The following ATL3 variants were observed in gnomAD, a reference collection of about 807,000 sequenced individuals.
The protein encoded by ATL3 is atlastin-3.
A neutral mutation model predicts 69.5 loss-of-function variants in ATL3; 49 were observed. The ratio of observed to expected loss-of-function variants is 0.71; its 90% CI spans 0.56 to 0.89. The LOEUF is 0.89. ATL3 is among the 40% of genes least tolerant of loss of function. The pLI is 0.00. For synonymous variants in ATL3, 214 were observed against 224.1 expected (o/e 0.95, Z 0.40); for missense variants, 606 against 645.7 (o/e 0.94, Z 0.67).
chr11:63,646,506 C>T lies in ATL3; in HGVS notation c.618+1G>A. The T allele has an allele frequency of 6.4e-7, 1 of 1,566,066 alleles. No individual in the cohort carries two copies. ...ATTATATTTAAAATAAATATTCTAA[C>T]CTGGAAAGGCTTTTGGAAAATTTCA... On this transcript the variant is annotated splice_donor_variant, in intron 6 of 12. Transcript: ENST00000398868. LOFTEE classifies it high-confidence loss of function.
chr11:63,641,895 C>T (rs1156347281), intron 8 of ATL3, among the ~76,000 whole-genome samples: 1 of 152,130 alleles, frequency 6.6e-6, no homozygotes, highest in African/African-American at 2.4e-5. Context: ...GGAAGAATGC[C>T]ATGTGTGTGT....
intron 1 of ATL3, among the ~76,000 whole-genome samples, chr11:63,668,383 T>C (rs1325157336): frequency 6.6e-6 from 1 of 152,212 alleles, no homozygotes; most frequent in Non-Finnish European, 1.5e-5. Context: ...TGCTTTTATA[T>C]ACCGTTTTGT....
At chr11:63,647,244 C>A (rs374602488) in intron 5 of ATL3, among the ~76,000 whole-genome samples, 2 of 152,156 alleles carry the variant, frequency 1.3e-5, no homozygotes, top group African/African-American at 2.4e-5. Context: ...GTTGCCCAGG[C>A]TGGAGCGTAA....
At chr11:63,664,620 G>GT (rs1027931299) in intron 1 of ATL3, among the ~76,000 whole-genome samples, 1 of 150,148 alleles carries the variant, frequency 6.7e-6, no homozygotes, top group Non-Finnish European at 1.5e-5. Context: ...ATAAGCTATT[G>GT]TTTTTTTGTT....
intron 6 of ATL3, 121 bp from the exon 7 acceptor site, chr11:63,644,382 CTTTTTTTTTTTTTT>C: frequency 2.9e-6 from 1 of 345,020 alleles, no homozygotes; most frequent in East Asian, 7.5e-5. Flanking sequence ...AAGGATTTAC[CTTTTTTTTTTTTTT>C]TTTTTTTTAA....
chr11:63,638,317 T>C (rs1237898322), intron 8 of ATL3, among the ~76,000 whole-genome samples: 1 of 152,200 alleles, frequency 6.6e-6, no homozygotes, highest in Non-Finnish European at 1.5e-5. Flanking sequence ...AGTTACTGTA[T>C]TAGGTCTCCC....
chr11:63,658,151 C>T (rs927199679), intron 3 of ATL3, among the ~76,000 whole-genome samples: 8 of 152,086 alleles, frequency 5.3e-5, no homozygotes, highest in East Asian at 1.9e-4. Flanking sequence ...CCACAGCACC[C>T]GGCTGCCACT....
intron 8 of ATL3, among the ~76,000 whole-genome samples, chr11:63,636,600 G>A (rs562883041): frequency 2.0e-5 from 3 of 152,220 alleles, no homozygotes; most frequent in African/African-American, 4.8e-5. Context: ...CTAGCCAGGC[G>A]TGGTGGCAGG....
In ATL3 at chr11:63,627,762, G is replaced by GA. The variant is rs1459298861; in HGVS notation, c.*1556dup. The GA allele has an allele frequency of 3.3e-5, 5 of 152,082 alleles. No homozygotes were observed. The highest frequency in any genetic ancestry group is 1.9e-4 in the East Asian group (1 of 5,182). The allele number at this position is 152,082 out of a possible 1,614,324, so 9.4% of individuals were successfully genotyped here. On this transcript the variant is annotated 3_prime_UTR_variant, in exon 13 of 13. Transcript: ENST00000398868. The stretch of plus-strand genomic sequence containing the variant: ...TTTTATCTCCTAATCAAGGTAAATA[G>GA]AAAAAAAGAACTCTTAGATACTTCT...
chr11:63,632,592 C>T, intron 11 of ATL3: 1 of 858,442 alleles, frequency 1.2e-6, no homozygotes, highest in Non-Finnish European at 2.0e-6. Flanking sequence ...CAGAATTCTA[C>T]AGATTCCAGT....
rs1323588197 is a variant in ATL3 at position 63,625,545 on chromosome 11, T to C, written c.*3774A>G. ...TTGCTATAACTCATACATACATACA[T>C]ACTTATCCAAACTCACCCTATCCAA... On this transcript the variant is annotated 3_prime_UTR_variant, in exon 13 of 13. Coordinates refer to ENST00000398868, the MANE Select transcript of ATL3 (RefSeq NM_015459.5). 1 of 152,220 alleles carries C rather than the reference T, an allele frequency of 6.6e-6. No homozygotes were observed. Among genetic ancestry groups the C allele is most frequent in the African/African-American group, 2.4e-5 (1 of 41,458 alleles). 9.4% of individuals were successfully genotyped at this position (152,220 alleles called of 1,614,324 possible). A position where few individuals can be genotyped will look rare whatever the true frequency, so the allele number is the denominator to read the frequency against.
rs767923369 is a variant in ATL3 at position 63,658,756 on chromosome 11, CT to C, written c.405+4del. 2.5e-6 allele frequency: 4 copies of C among 1,595,722 alleles called. No individual in the cohort carries two copies. The highest frequency in any genetic ancestry group is 1.2e-5 in the South Asian group (1 of 86,702). The stretch of plus-strand genomic sequence containing the variant: ...GTTAATCTGTAAGGTCATTTTCATC[CT>C]TACCTTCTTCCCACCTGGCTTCTCC... On this transcript the variant is annotated splice_donor_region_variant and intron_variant, in intron 3 of 12. Transcript: ENST00000398868.
chr11:63,655,491 A>G (rs867412032), intron 3 of ATL3, among the ~76,000 whole-genome samples: 2 of 145,196 alleles, frequency 1.4e-5, no homozygotes, highest in South Asian at 4.4e-4. Context: ...CTTGTTGCCC[A>G]GGCGGAAGTG....
rs1939057545 is a variant in ATL3 at position 63,624,983 on chromosome 11, G to A, written c.*4336C>T. 2 of 152,106 alleles carry A rather than the reference G, an allele frequency of 1.3e-5. No homozygotes were observed. Among genetic ancestry groups the A allele is most frequent in the South Asian group, 4.1e-4 (2 of 4,826 alleles). 9.4% of individuals were successfully genotyped at this position (152,106 alleles called of 1,614,324 possible). ...TAAAAGTGATGACTCCAGGACCACA[G>A]CCCATACCACCTGAGGCAATCCCTG... is the stretch of plus-strand genomic sequence containing the variant. On this transcript the variant is annotated 3_prime_UTR_variant, in exon 13 of 13. Transcript: ENST00000398868.
chr11:63,645,691 A>C (rs1939850567), intron 6 of ATL3, among the ~76,000 whole-genome samples: 1 of 152,110 alleles, frequency 6.6e-6, no homozygotes, highest in Non-Finnish European at 1.5e-5. Flanking sequence ...CCTAGGCTTA[A>C]GTGATCCTCC....
rs372686835 is a variant in ATL3, at chr11:63,627,660, T to C, written c.*1659A>G. On this transcript the variant is annotated 3_prime_UTR_variant, in exon 13 of 13. Coordinates refer to ENST00000398868, the MANE Select transcript of ATL3 (RefSeq NM_015459.5). ...TAAGGCTTATATACCTGAATGTTTATATAAATACTTGCAGGCAAGTTTTAA... is the reference window on the plus strand; with the variant it reads ...TAAGGCTTATATACCTGAATGTTTACATAAATACTTGCAGGCAAGTTTTAA... 2.0e-5 allele frequency: 3 copies of C among 152,222 alleles called. No individual in the cohort carries two copies. The highest frequency in any genetic ancestry group is 1.3e-4 in the Admixed American group (2 of 15,276). 9.4% of individuals were successfully genotyped at this position (152,222 alleles called of 1,614,324 possible).
rs1443726497 is a variant in ATL3, at chr11:63,651,399, T to C, written c.561+537A>G. 2.0e-5 allele frequency among the ~76,000 whole-genome samples: 3 copies of C among 151,040 alleles called. No homozygotes were observed. In the East Asian group the frequency reaches 5.8e-4, roughly 29 times the overall value. ...CCAGCCTGGGGACAAGAGCAAGACT[T>C]CGTCTTAAAAAAAAAAAAAAAGTCT... On this transcript the variant is annotated intron_variant, in intron 5 of 12. Coordinates refer to ENST00000398868, the MANE Select transcript of ATL3 (RefSeq NM_015459.5).
chr11:63,657,575 C>T (rs920771556), intron 3 of ATL3, among the ~76,000 whole-genome samples: 1 of 152,202 alleles, frequency 6.6e-6, no homozygotes, highest in African/African-American at 2.4e-5. Context: ...GAAGTGAAAA[C>T]TGGGTAGAGA....
intron 8 of ATL3, among the ~76,000 whole-genome samples, chr11:63,642,315 C>T (rs1372328361): frequency 6.6e-6 from 1 of 152,156 alleles, no homozygotes; most frequent in African/African-American, 2.4e-5. Context: ...GGTTAAGTCT[C>T]TTTAACTCAG....
Sources: allele counts gnomAD v4.1 joint callset (sites outside exome capture counted in the v4.1 genomes callset), GRCh38; gene constraint gnomAD v4.1.1; transcripts MANE v1.5; gene names NCBI Gene and HGNC (gene_info 2026-07-23, HGNC 2026-07-21).